The following SUMF1 variants were observed in gnomAD, a reference collection of about 807,000 sequenced individuals.
SUMF1 encodes formylglycine-generating enzyme.
In SUMF1, 48 loss-of-function variants were observed where a neutral mutation model predicts 47.6. That is an observed-to-expected ratio of 1.01 (90% CI 0.80 to 1.28). The LOEUF is 1.28. Among genes scored for constraint, SUMF1 ranks in the 50% most tolerant of loss-of-function variants. The probability of loss-of-function intolerance (pLI) is 0.00; values close to 1 mark genes in which losing one functional copy is unlikely to be tolerated. For missense variants in SUMF1, 571 were observed against 485.4 expected, an observed-to-expected ratio of 1.18 and a Z score of -1.66; for synonymous variants, 230 against 192.1, an observed-to-expected ratio of 1.20 and a Z score of -1.63.
intron 8 of SUMF1, among the ~76,000 whole-genome samples, chr3:4,290,776 A>T (rs1697726158): frequency 6.6e-6 from 1 of 152,162 alleles, no homozygotes; most frequent in African/African-American, 2.4e-5. Flanking sequence ...GGATATGTGG[A>T]CAGTCACCTT....
intron 8 of SUMF1, among the ~76,000 whole-genome samples, chr3:4,224,884 T>C (rs1219476307): frequency 6.6e-6 from 1 of 152,106 alleles, no homozygotes; most frequent in Admixed American, 6.6e-5. Flanking sequence ...AAGTCCCTGA[T>C]CCTACAGTTC....
intron 8 of SUMF1, among the ~76,000 whole-genome samples, chr3:4,375,213 A>T (rs1279174311): frequency 2.0e-5 from 3 of 152,016 alleles, no homozygotes; most frequent in African/African-American, 7.2e-5. Flanking sequence ...GGTCTAAAGC[A>T]TCAATTGAGC....
chr3:4,176,971 T>A (rs1694979058), intron 8 of SUMF1, among the ~76,000 whole-genome samples: 1 of 152,186 alleles, frequency 6.6e-6, no homozygotes, highest in African/African-American at 2.4e-5. Context: ...AAGGGATCAA[T>A]TCAACAAGAA....
intron 8 of SUMF1, among the ~76,000 whole-genome samples, chr3:4,200,578 T>G (rs1319054371): frequency 6.6e-6 from 1 of 152,130 alleles, no homozygotes; most frequent in South Asian, 2.1e-4. Flanking sequence ...TGAGTTTCTC[T>G]AGTTCTGAGA....
Position 4,467,252 on chromosome 3 carries a change from C to T in SUMF1, c.-7G>A. The stretch of plus-strand genomic sequence containing the variant: ...CTAGTGCGGGCGCAGCCATGTTGTC[C>T]CGCGGGCCATGTGACCCGGTTGGTC... On this transcript the variant is annotated 5_prime_UTR_variant, in exon 1 of 9. Coordinates refer to ENST00000272902, the MANE Select transcript of SUMF1 (RefSeq NM_182760.4). The T allele has an allele frequency of 6.2e-7, 1 of 1,606,460 alleles. No homozygotes were observed. The highest frequency in any genetic ancestry group is 8.5e-7 in the Non-Finnish European group (1 of 1,177,036).
At chr3:4,299,787 G>C (rs1034699459) in intron 8 of SUMF1, among the ~76,000 whole-genome samples, 1 of 152,166 alleles carries the variant, frequency 6.6e-6, no homozygotes, top group Non-Finnish European at 1.5e-5. Flanking sequence ...TCCAGCCTGG[G>C]TGACAGAGTG....
rs867143586 is a variant in SUMF1, at chr3:4,339,311, G to C, written c.1014+37019C>G. On this transcript the variant is annotated intron_variant and NMD_transcript_variant, in intron 8 of 12. Coordinates refer to the SUMF1 transcript ENST00000448413. ...TTGTGAGGTATGCCCCACAGCTCAG[G>C]GGGTACCCAAGGAAGCAGTCTCTGG... Among the ~76,000 whole-genome samples, 3 of 152,198 alleles carry C rather than the reference G, an allele frequency of 2.0e-5. No homozygotes were observed. The South Asian group carries it at 6.2e-4, about 32-fold the overall frequency.
chr3:4,399,605 C>A (rs1701143861), intron 7 of SUMF1, among the ~76,000 whole-genome samples: 1 of 152,170 alleles, frequency 6.6e-6, no homozygotes, highest in Non-Finnish European at 1.5e-5. Flanking sequence ...TTAGGGTTAA[C>A]TGTAATTCAC....
intron 8 of SUMF1, among the ~76,000 whole-genome samples, chr3:4,248,249 A>T (rs1324596798): frequency 6.6e-6 from 1 of 152,204 alleles, no homozygotes; most frequent in Non-Finnish European, 1.5e-5. Context: ...AACATTCAGA[A>T]TAGACTGTTT....
chr3:4,271,124 G>A (rs1476341269), intron 8 of SUMF1, among the ~76,000 whole-genome samples: 5 of 152,132 alleles, frequency 3.3e-5, no homozygotes, highest in African/African-American at 1.2e-4. Context: ...CAGTCTGATC[G>A]ATTGTGCTAA....
chr3:4,216,526 C>T (rs1695928550), intron 8 of SUMF1, among the ~76,000 whole-genome samples: 1 of 152,016 alleles, frequency 6.6e-6, no homozygotes, highest in Admixed American at 6.6e-5. Flanking sequence ...GCGACAAAAG[C>T]CAAAATAAAC....
intron 8 of SUMF1, among the ~76,000 whole-genome samples, chr3:4,189,532 T>C (rs1427357163): frequency 6.6e-6 from 1 of 152,116 alleles, no homozygotes; most frequent in Non-Finnish European, 1.5e-5. Flanking sequence ...GCTTAACCTA[T>C]TTAATACCTA....
rs1254213543 is a variant in SUMF1, at chr3:4,362,145, C to T, written c.1124G>A (p.Ter375=). The change falls in exon 9 of 9, where the codon TGA becomes TAA. Residue 375 remains the stop codon, a stop_retained_variant. Transcript: ENST00000272902. The stretch of plus-strand genomic sequence containing the variant: ...ACTGGGGAAGACTTTCCTTGGTTGT[C>T]AGTCCATAGTGGGCAGGCGGTCGGC... The part of the protein sequence containing the change: ...CAADRLPTMD[*] 4 of 1,614,046 alleles carry T rather than the reference C, an allele frequency of 2.5e-6. No individual in the cohort carries two copies. Among genetic ancestry groups the T allele is most frequent in the Non-Finnish European group, 3.4e-6 (4 of 1,179,990 alleles).
At chr3:4,456,814 G>A (rs1197437881) in intron 1 of SUMF1, among the ~76,000 whole-genome samples, 5 of 115,534 alleles carry the variant, frequency 4.3e-5, no homozygotes, top group Non-Finnish European at 7.2e-5. Context: ...ATATATATAC[G>A]TGTGTGTGTA....
At chr3:4,067,085 G>A (rs1695396435) in intron 9 of SUMF1, among the ~76,000 whole-genome samples, 1 of 152,080 alleles carries the variant, frequency 6.6e-6, no homozygotes, top group African/African-American at 2.4e-5. Flanking sequence ...CTATACAATG[G>A]TCCAGCTACA....
intron 9 of SUMF1, among the ~76,000 whole-genome samples, chr3:4,036,982 C>T (rs971128380): frequency 6.6e-6 from 1 of 151,818 alleles, no homozygotes; most frequent in African/African-American, 2.4e-5. Flanking sequence ...TGAAGATGAC[C>T]AGGTTCCAAG....
intron 9 of SUMF1, among the ~76,000 whole-genome samples, chr3:4,035,361 T>C (rs189661423): frequency 1.4e-4 from 21 of 152,254 alleles, no homozygotes; most frequent in Admixed American, 7.2e-4. Context: ...CAGGCCATCA[T>C]TGGCTTGTGG....
Position 4,201,065 on chromosome 3 carries a change from A to G in SUMF1, c.1015-132320T>C, listed in dbSNP as rs550896565. Reference sequence around the variant, plus strand: ...ATATGAGATATATTGGTATAGGCATACAATGTGCAATAATCACATCAGAGT... The same window carrying G: ...ATATGAGATATATTGGTATAGGCATGCAATGTGCAATAATCACATCAGAGT... On this transcript the variant is annotated intron_variant and NMD_transcript_variant, in intron 8 of 12. Coordinates refer to the SUMF1 transcript ENST00000448413. Among the ~76,000 whole-genome samples the G allele has an allele frequency of 2.0e-5, 3 of 152,230 alleles. No homozygotes were observed. The East Asian group carries it at 5.8e-4, about 29-fold the overall frequency.
intron 8 of SUMF1, among the ~76,000 whole-genome samples, chr3:4,099,893 A>G (rs1692992412): frequency 6.6e-6 from 1 of 151,908 alleles, no homozygotes; most frequent in African/African-American, 2.4e-5. Context: ...AAATTAAACT[A>G]AGGAAAAAAA....
Sources: gnomAD v4.1 joint callset for allele counts (sites outside exome capture counted in the v4.1 genomes callset) on GRCh38, gnomAD v4.1.1 for gene constraint, MANE v1.5 for transcripts, NCBI Gene and HGNC (gene_info 2026-07-23, HGNC 2026-07-21) for gene names.